Variants in ARHGEF38 observed in about 807,000 individuals in gnomAD.
ARHGEF38 encodes the protein Rho guanine nucleotide exchange factor (GEF) 38.
In ARHGEF38, 79 loss-of-function variants were observed where a neutral mutation model predicts 79.9. The observed-to-expected ratio is 0.99, with a 90% CI of 0.82 to 1.19. ARHGEF38 has a LOEUF of 1.19. ARHGEF38 is among the 50% of genes most tolerant of loss of function. The probability of loss-of-function intolerance (pLI) is 0.00; values close to 1 mark genes in which losing one functional copy is unlikely to be tolerated. For synonymous variants in ARHGEF38, 366 were observed against 328.3 expected (o/e 1.11, Z -1.24); for missense variants, 962 against 907.2 (o/e 1.06, Z -0.78).
chr4:105,644,026 C>G lies in ARHGEF38; in HGVS notation c.675-1162C>G, dbSNP rs187151103. ...AGACTACAGGTGCCTGCCACCATGC[C>G]TGGCTAACTTTTGTATTTTTTTCTA... On this transcript the variant is annotated intron_variant, in intron 5 of 13. Transcript: ENST00000420470. 5.3e-5 allele frequency among the ~76,000 whole-genome samples: 8 copies of G among 151,894 alleles called. No individual in the cohort carries two copies. In the East Asian group the frequency reaches 1.4e-3, roughly 26 times the overall value.
At chr4:105,642,780 TA>T (rs1729675244) in intron 5 of ARHGEF38, among the ~76,000 whole-genome samples, 1 of 152,166 alleles carries the variant, frequency 6.6e-6, no homozygotes, top group Non-Finnish European at 1.5e-5. Context: ...ACCACACTAA[TA>T]AACTATTTTA....
intron 1 of ARHGEF38, among the ~76,000 whole-genome samples, chr4:105,557,661 C>T (rs1220390835): frequency 1.3e-5 from 2 of 150,360 alleles, no homozygotes; most frequent in African/African-American, 4.9e-5. Context: ...TGTCAGGATA[C>T]AAGAAGGTGG....
Position 105,667,301 on chromosome 4 carries a change from C to G in ARHGEF38, c.1862C>G (p.Thr621Arg). The change falls in exon 12 of 14, where the codon ACA (threonine) becomes AGA (arginine). Residue 621 changes from threonine (T) to arginine (R), a missense_variant. Transcript: ENST00000420470. Reference protein sequence around the residue: ...VIEQKDPLGSTSRWLVDTGNV... With the variant: ...VIEQKDPLGSRSRWLVDTGNV... ...GAACAGAAAGATCCACTGGGGAGTA[C>G]AAGCAGGTGGCTTGTGGACACAGGA... is the stretch of plus-strand genomic sequence containing the variant. 6.5e-7 allele frequency: 1 copy of G among 1,536,118 alleles called. No individual in the cohort carries two copies. The highest frequency in any genetic ancestry group is 8.7e-7 in the Non-Finnish European group (1 of 1,146,918).
At chr4:105,657,128 T>C (rs951568134) in intron 9 of ARHGEF38, among the ~76,000 whole-genome samples, 18 of 152,224 alleles carry the variant, frequency 1.2e-4, no homozygotes, top group African/African-American at 4.3e-4. Flanking sequence ...TTTATGTATT[T>C]TCTGCATTTA....
chr4:105,579,700 G>A (rs1310788820), intron 1 of ARHGEF38, among the ~76,000 whole-genome samples: 1 of 152,068 alleles, frequency 6.6e-6, no homozygotes, highest in Non-Finnish European at 1.5e-5. Flanking sequence ...TTCTTTATTT[G>A]TTGTGTCTCT....
In ARHGEF38 at chr4:105,679,610, C is replaced by G; in HGVS notation, c.*1673C>G. The G allele has an allele frequency of 1.2e-6, 1 of 852,336 alleles. No homozygotes were observed. Among genetic ancestry groups the G allele is most frequent in the South Asian group, 1.3e-5 (1 of 75,506 alleles). 52.8% of individuals were successfully genotyped at this position (852,336 alleles called of 1,614,324 possible). A position where few individuals can be genotyped will look rare whatever the true frequency, so the allele number is the denominator to read the frequency against. ...TCTGAGCTGATGGTTGGAAAAAAAT[C>G]AACAGCAGCATAAGAAATGGAAGCC... On this transcript the variant is annotated 3_prime_UTR_variant, in exon 14 of 14. Transcript: ENST00000420470.
intron 2 of ARHGEF38, among the ~76,000 whole-genome samples, chr4:105,610,303 T>C (rs1728236893): frequency 6.6e-6 from 1 of 152,054 alleles, no homozygotes; most frequent in Non-Finnish European, 1.5e-5. Context: ...ACCTGCATGT[T>C]ATGCACATGT....
intron 4 of ARHGEF38, among the ~76,000 whole-genome samples, chr4:105,635,270 A>T (rs1015281665): frequency 6.6e-5 from 10 of 152,124 alleles, no homozygotes; most frequent in South Asian, 2.1e-4. Flanking sequence ...AGATTTTTTT[A>T]AAAATGATGA....
chr4:105,666,724 G>A (rs929542540), intron 11 of ARHGEF38, among the ~76,000 whole-genome samples: 6 of 152,210 alleles, frequency 3.9e-5, no homozygotes, highest in East Asian at 1.9e-4. Flanking sequence ...GAGTATAAGC[G>A]TCTTGATTCT....
At chr4:105,553,885 TGTG>T (rs1725123483) in intron 1 of ARHGEF38, among the ~76,000 whole-genome samples, 1 of 152,144 alleles carries the variant, frequency 6.6e-6, no homozygotes, top group African/African-American at 2.4e-5. Flanking sequence ...ATTTAAAAAC[TGTG>T]ATGAGGTCAG....
chr4:105,677,390 A>G (rs971145178), intron 13 of ARHGEF38, among the ~76,000 whole-genome samples: 1 of 152,212 alleles, frequency 6.6e-6, no homozygotes, highest in Non-Finnish European at 1.5e-5. Flanking sequence ...TGGGTAATCC[A>G]GTAACATTGT....
Position 105,655,723 on chromosome 4 carries a change from G to T in ARHGEF38, c.1233+1G>T. On this transcript the variant is annotated splice_donor_variant, in intron 9 of 13. Transcript: ENST00000420470. LOFTEE classifies it high-confidence loss of function. ...TGCCTTAAATTCGTGTCATGACTTT[G>T]TAAGTTATTTATATTCACAGATAAA... 6.5e-7 allele frequency: 1 copy of T among 1,533,442 alleles called. No homozygotes were observed. Among genetic ancestry groups the T allele is most frequent in the Non-Finnish European group, 8.7e-7 (1 of 1,145,694 alleles). The allele number at this position is 1,533,442 out of a possible 1,614,324, so 95.0% of individuals were successfully genotyped here.
intron 1 of ARHGEF38, among the ~76,000 whole-genome samples, chr4:105,588,083 C>A (rs1269423081): frequency 6.6e-6 from 1 of 152,162 alleles, no homozygotes; most frequent in African/African-American, 2.4e-5. Context: ...GACATCACAC[C>A]ATTAACTCTT....
intron 8 of ARHGEF38, 145 bp from the exon 9 acceptor site, chr4:105,655,458 A>G: frequency 1.2e-6 from 1 of 823,422 alleles, no homozygotes; most frequent in Non-Finnish European, 1.8e-6. Context: ...GATTGTACAG[A>G]GCATTTATAA....
intron 1 of ARHGEF38, among the ~76,000 whole-genome samples, chr4:105,571,709 A>G (rs1726244371): frequency 6.6e-6 from 1 of 152,200 alleles, no homozygotes; most frequent in African/African-American, 2.4e-5. Flanking sequence ...CACAGTAGTG[A>G]GAAGGAGTGC....
At chr4:105,604,298 A>G (rs1727949685) in intron 2 of ARHGEF38, among the ~76,000 whole-genome samples, 1 of 152,178 alleles carries the variant, frequency 6.6e-6, no homozygotes, top group Non-Finnish European at 1.5e-5. Context: ...TAAATCCTGG[A>G]AACACCAGAA....
chr4:105,553,163 C>T (rs2110380477), intron 1 of ARHGEF38, among the ~76,000 whole-genome samples: 1 of 152,152 alleles, frequency 6.6e-6, no homozygotes, highest in Admixed American at 6.5e-5. Context: ...GTTAAAGAGT[C>T]AATTCCGAAT....
At chr4:105,612,935 A>T (rs1728356069) in intron 2 of ARHGEF38, among the ~76,000 whole-genome samples, 1 of 152,160 alleles carries the variant, frequency 6.6e-6, no homozygotes, top group African/African-American at 2.4e-5. Context: ...AGGAAAAAGC[A>T]ACCCAGCACA....
At chr4:105,599,200 A>G (rs1187233178) in intron 2 of ARHGEF38, among the ~76,000 whole-genome samples, 1 of 152,158 alleles carries the variant, frequency 6.6e-6, no homozygotes, top group African/African-American at 2.4e-5. Flanking sequence ...TGAGGCATTC[A>G]TTTTTATCCT....
Sources: allele counts gnomAD v4.1 joint callset (sites outside exome capture counted in the v4.1 genomes callset), GRCh38; gene constraint gnomAD v4.1.1; transcripts MANE v1.5; gene names NCBI Gene and HGNC (gene_info 2026-07-23, HGNC 2026-07-21).